CYP2C8: variants seen among roughly 807,000 people sequenced by gnomAD.
The protein encoded by CYP2C8 is cytochrome P450 family 2 subfamily C member 8.
A neutral mutation model predicts 41.3 loss-of-function variants in CYP2C8; 51 were observed. The ratio of observed to expected loss-of-function variants is 1.24; its 90% CI spans 0.99 to 1.56. The LOEUF (loss-of-function observed/expected upper bound fraction) is 1.56. Ranked by LOEUF, CYP2C8 falls within the 40% of genes most tolerant of loss-of-function variation. The pLI is 0.00. For missense variants in CYP2C8, 651 were observed against 579.9 expected (o/e 1.12, Z -1.26); for synonymous variants, 218 against 205.8 (o/e 1.06, Z -0.51).
intron 5 of CYP2C8, among the ~76,000 whole-genome samples, chr10:95,057,396 A>T (rs2134427170): frequency 1.3e-5 from 2 of 152,196 alleles, no homozygotes; most frequent in Admixed American, 1.3e-4. Context: ...TTCTGAATTA[A>T]TCTATAGATT....
chr10:95,037,189 G>T lies in CYP2C8; in HGVS notation c.1412C>A (p.Ala471Glu). 6.2e-7 allele frequency: 1 copy of T among 1,613,904 alleles called. No individual in the cohort carries two copies. Residue 471 changes from alanine (A) to glutamate (E), a missense_variant, in exon 9 of 9, where the codon GCA (alanine) becomes GAA (glutamate). Ala to Glu is a moderately radical substitution (Grantham distance 107). Coordinates refer to ENST00000371270, the MANE Select transcript of CYP2C8 (RefSeq NM_000770.3). ...VDDLKNLNTT[A>E]VTKGIVSLPP... is the part of the protein sequence containing the mutation. Reference sequence around the variant, plus strand: ...CAGAGAAACAATCCCTTTGGTAACTGCAGTAGTATTGAGGTTCTTTAAATC... The same window carrying T: ...CAGAGAAACAATCCCTTTGGTAACTTCAGTAGTATTGAGGTTCTTTAAATC...
chr10:95,062,032 C>T (rs2033447998), intron 4 of CYP2C8, among the ~76,000 whole-genome samples: 1 of 152,184 alleles, frequency 6.6e-6, no homozygotes, highest in African/African-American at 2.4e-5. Flanking sequence ...TGTTCTTTTA[C>T]ATCTGCTGAG....
At chr10:95,064,696 T>C in intron 4 of CYP2C8, 104 bp downstream of exon 4, 1 of 1,133,792 alleles carries the variant, frequency 8.8e-7, no homozygotes, top group Non-Finnish European at 1.3e-6. Context: ...ACATCATTTT[T>C]ATTGTATAAA....
intron 5 of CYP2C8, among the ~76,000 whole-genome samples, chr10:95,052,019 C>T (rs1024008667): frequency 1.3e-5 from 2 of 151,782 alleles, no homozygotes; most frequent in African/African-American, 4.8e-5. Context: ...ATTAACAAAG[C>T]AAAAAGTTGT....
intron 5 of CYP2C8, among the ~76,000 whole-genome samples, chr10:95,050,778 A>G (rs2033198471): frequency 6.6e-6 from 1 of 152,212 alleles, no homozygotes; most frequent in Non-Finnish European, 1.5e-5. Flanking sequence ...TTTATTAAAA[A>G]AAGTGCAGTT....
In CYP2C8 at chr10:95,045,766, A is replaced by G. The variant is rs61757319; in HGVS notation, c.961+44T>C. 6.0e-4 allele frequency: 962 copies of G among 1,612,882 alleles called. 1 individual carries two copies. Among genetic ancestry groups the G allele is most frequent in the Non-Finnish European group, 7.9e-4 (929 of 1,178,990 alleles). On this transcript the variant is annotated intron_variant, in intron 6 of 8. Coordinates refer to ENST00000371270, the MANE Select transcript of CYP2C8 (RefSeq NM_000770.3). ...TGGAGGATACTGGCACCATCTTCTC[A>G]GCATTGTTCTGAAATTCACTTTGTT...
At chr10:95,046,618 C>T (rs922017930) in intron 5 of CYP2C8, among the ~76,000 whole-genome samples, 1 of 152,062 alleles carries the variant, frequency 6.6e-6, no homozygotes, top group Non-Finnish European at 1.5e-5. Context: ...ACATTCAAAC[C>T]AGAACATGAA....
intron 4 of CYP2C8, among the ~76,000 whole-genome samples, chr10:95,061,109 T>A (rs2033418448): frequency 6.6e-6 from 1 of 152,218 alleles, no homozygotes; most frequent in Non-Finnish European, 1.5e-5. Context: ...TCTCGTTTTT[T>A]GTTGTGTCTC....
At chr10:95,051,180 G>A (rs899952102) in intron 5 of CYP2C8, among the ~76,000 whole-genome samples, 2 of 152,124 alleles carry the variant, frequency 1.3e-5, no homozygotes, top group Admixed American at 6.5e-5. Flanking sequence ...CAGAGATTGT[G>A]GAGCTGAAAC....
In CYP2C8 at chr10:95,042,983, C is replaced by A; in HGVS notation, c.1056G>T (p.Val352=). 1 of 1,614,140 alleles carries A rather than the reference C, an allele frequency of 6.2e-7. No individual in the cohort carries two copies. The highest frequency in any genetic ancestry group is 2.2e-5 in the East Asian group (1 of 44,886). ...RSHMPYTDAV[V]HEIQRYSDLV... The stretch of plus-strand genomic sequence containing the variant: ...GGTCACTGTATCTCTGGATCTCGTG[C>A]ACTACAGCATCAGTGTAAGGCATGT... Residue 352 remains valine (V), a synonymous_variant, in exon 7 of 9, where the codon GTG becomes GTT. Coordinates refer to ENST00000371270, the MANE Select transcript of CYP2C8 (RefSeq NM_000770.3).
At chr10:95,049,957 A>C (rs1319372405) in intron 5 of CYP2C8, among the ~76,000 whole-genome samples, 1 of 152,012 alleles carries the variant, frequency 6.6e-6, no homozygotes, top group Non-Finnish European at 1.5e-5. Context: ...GGTAAGACTC[A>C]ACACATTCCC....
intron 3 of CYP2C8, among the ~76,000 whole-genome samples, chr10:95,066,151 A>AGTGT (rs1156290511): frequency 0.02 from 1,685 of 82,592 alleles, 20 homozygotes; most frequent in African/African-American, 0.067. Flanking sequence ...AGAGAGAGAG[A>AGTGT]GAGTGTGTGT....
chr10:95,042,268 T>C (rs560067062), intron 7 of CYP2C8, among the ~76,000 whole-genome samples: 6 of 152,136 alleles, frequency 3.9e-5, no homozygotes, highest in African/African-American at 1.2e-4. Flanking sequence ...GATAGCAAAA[T>C]AATATACATA....
chr10:95,050,764 C>T (rs1360814276), intron 5 of CYP2C8, among the ~76,000 whole-genome samples: 1 of 152,216 alleles, frequency 6.6e-6, no homozygotes, highest in African/African-American at 2.4e-5. Flanking sequence ...TAACTCATTT[C>T]CCATTTATTA....
chr10:95,046,537 G>A (rs1401481886), intron 5 of CYP2C8, among the ~76,000 whole-genome samples: 1 of 152,160 alleles, frequency 6.6e-6, no homozygotes, highest in African/African-American at 2.4e-5. Flanking sequence ...ACCTAGTCAT[G>A]TTTTGTTAGG....
At chr10:95,048,128 G>C (rs1002260465) in intron 5 of CYP2C8, among the ~76,000 whole-genome samples, 1 of 152,178 alleles carries the variant, frequency 6.6e-6, no homozygotes, top group Non-Finnish European at 1.5e-5. Flanking sequence ...GTGTGTGTGC[G>C]TGTTTGTGAG....
At position 95,067,729 on chromosome 10, in the gene CYP2C8, C is replaced by A. The variant is rs192556177; in HGVS notation, c.169-38G>T. ...ATGCAAATAGCAGCAAAATAAGTCGCTATTTGCTCCAAATACTATGTATGA... is the reference window on the plus strand; with the variant it reads ...ATGCAAATAGCAGCAAAATAAGTCGATATTTGCTCCAAATACTATGTATGA... On this transcript the variant is annotated intron_variant, in intron 1 of 8. Transcript: ENST00000371270. The A allele has an allele frequency of 2.0e-4, 325 of 1,595,348 alleles. 1 individual carries two copies. The African/African-American group carries it at 3.6e-3, about 18-fold the overall frequency.
At chr10:95,064,482 A>G (rs11572095) in intron 4 of CYP2C8, among the ~76,000 whole-genome samples, 32,949 of 152,052 alleles carry the variant, frequency 0.22, 4,014 homozygotes, top group Non-Finnish European at 0.29. Flanking sequence ...CTAGAAAAGC[A>G]CAGTATTAGG....
rs775342549 is a variant in CYP2C8 at position 95,067,315 on chromosome 10, C to A, written c.374G>T (p.Arg125Leu). 6.2e-7 allele frequency: 1 copy of A among 1,614,086 alleles called. No homozygotes were observed. The highest frequency in any genetic ancestry group is 1.1e-5 in the South Asian group (1 of 91,074). The change falls in exon 3 of 9, where the codon CGT (arginine) becomes CTT (leucine). Residue 125 changes from arginine (R) to leucine (L), a missense_variant. Coordinates refer to ENST00000371270, the MANE Select transcript of CYP2C8 (RefSeq NM_000770.3). ...ATTCCGCAAGGTTGTGAGGGAGAAA[C>A]GCCGGATCTCCTTCCATCTCTTTCC... ...SNGKRWKEIRRFSLTTLRNFG... is the reference protein window; with the variant it reads ...SNGKRWKEIRLFSLTTLRNFG...
Sources: allele counts gnomAD v4.1 joint callset (sites outside exome capture counted in the v4.1 genomes callset), GRCh38; gene constraint gnomAD v4.1.1; transcripts MANE v1.5; gene names NCBI Gene and HGNC (gene_info 2026-07-23, HGNC 2026-07-21).